Variants in KSR2 observed in about 807,000 individuals in gnomAD.
KSR2 encodes kinase suppressor of ras 2.
Under a neutral mutation model 107.8 loss-of-function variants are expected in KSR2, and 25 were observed. The ratio of observed to expected loss-of-function variants is 0.23; its 90% CI spans 0.17 to 0.32. The LOEUF (loss-of-function observed/expected upper bound fraction) is 0.32. KSR2 is among the 10% of genes least tolerant of loss of function. The pLI is 1.00. For missense variants in KSR2, 887 were observed against 1,268.9 expected (o/e 0.70, Z 4.57); for synonymous variants, 480 against 507.0 (o/e 0.95, Z 0.71).
chr12:117,785,093 G>A (rs1890016757), intron 3 of KSR2, among the ~76,000 whole-genome samples: 1 of 152,144 alleles, frequency 6.6e-6, no homozygotes, highest in African/African-American at 2.4e-5. Flanking sequence ...CAAAGACCAG[G>A]AAAATCCTGA....
At chr12:117,636,421 A>T (rs1468618778) in intron 5 of KSR2, among the ~76,000 whole-genome samples, 1 of 151,664 alleles carries the variant, frequency 6.6e-6, no homozygotes, top group African/African-American at 2.4e-5. Flanking sequence ...AAAACATTTA[A>T]GATCATCCAG....
intron 3 of KSR2, among the ~76,000 whole-genome samples, chr12:117,795,905 CTGG>C (rs1890608353): frequency 6.6e-6 from 1 of 152,166 alleles, no homozygotes; most frequent in African/African-American, 2.4e-5. Context: ...GCCGCCACAT[CTGG>C]CCAAAGCCTG....
rs185562461 is a variant in KSR2 at position 117,503,894 on chromosome 12, C to T, written c.2220-18203G>A. Among the ~76,000 whole-genome samples the T allele has an allele frequency of 1.8e-3, 279 of 152,290 alleles. 3 individuals are homozygous for T. The highest frequency in any genetic ancestry group is 6.4e-3 in the African/African-American group (267 of 41,564). On this transcript the variant is annotated intron_variant, in intron 14 of 19. Coordinates refer to ENST00000339824, the MANE Select transcript of KSR2 (RefSeq NM_173598.6). ...GATCAAACTTCCATAATAAACATCACTATTTTGGGAAAGCAAACTCTGGGA... is the reference window on the plus strand; with the variant it reads ...GATCAAACTTCCATAATAAACATCATTATTTTGGGAAAGCAAACTCTGGGA...
intron 3 of KSR2, among the ~76,000 whole-genome samples, chr12:117,817,022 A>T (rs1891395378): frequency 6.6e-6 from 1 of 152,106 alleles, no homozygotes; most frequent in Non-Finnish European, 1.5e-5. Context: ...CAAGGAAACC[A>T]ATGGAAAGAT....
intron 14 of KSR2, among the ~76,000 whole-genome samples, chr12:117,513,766 A>C (rs1478664888): frequency 6.6e-6 from 1 of 152,230 alleles, no homozygotes; most frequent in Non-Finnish European, 1.5e-5. Context: ...TACAAGCTTC[A>C]GTATGAATCA....
intron 5 of KSR2, among the ~76,000 whole-genome samples, chr12:117,637,283 C>G (rs1269811590): frequency 1.3e-5 from 2 of 152,184 alleles, no homozygotes; most frequent in Non-Finnish European, 2.9e-5. Flanking sequence ...CACTCATCCC[C>G]ACCTCGGGGC....
chr12:117,469,395 G>A (rs189536284), intron 19 of KSR2, among the ~76,000 whole-genome samples: 36 of 152,204 alleles, frequency 2.4e-4, no homozygotes, highest in Middle Eastern at 6.8e-3. Context: ...AGACTCATCG[G>A]GGCATCAATC....
At chr12:117,470,300 A>G (rs1871369283) in intron 18 of KSR2, among the ~76,000 whole-genome samples, 1 of 135,676 alleles carries the variant, frequency 7.4e-6, no homozygotes, top group African/African-American at 2.9e-5. Flanking sequence ...ATCCACCCAT[A>G]TATCATCCAC....
At chr12:117,558,076 G>T (rs538487804) in intron 8 of KSR2, among the ~76,000 whole-genome samples, 4 of 152,230 alleles carry the variant, frequency 2.6e-5, no homozygotes, top group Admixed American at 2.6e-4. Flanking sequence ...CAATCCAGCA[G>T]ACCCAAGACA....
At chr12:117,854,383 AG>A (rs1365669722) in intron 3 of KSR2, among the ~76,000 whole-genome samples, 2 of 152,196 alleles carry the variant, frequency 1.3e-5, no homozygotes, top group East Asian at 3.9e-4. Context: ...GCACGCATGG[AG>A]GACTGGGCCG....
At chr12:117,862,652 A>C (rs1893339776) in intron 1 of KSR2, among the ~76,000 whole-genome samples, 1 of 152,126 alleles carries the variant, frequency 6.6e-6, no homozygotes, top group Non-Finnish European at 1.5e-5. Context: ...CTCAAAACAA[A>C]ACAAAACAAA....
chr12:117,610,355 C>T (rs199646572), intron 5 of KSR2, among the ~76,000 whole-genome samples: 2 of 151,930 alleles, frequency 1.3e-5, no homozygotes, highest in East Asian at 3.8e-4. Flanking sequence ...AAAATGCCCC[C>T]AAATCAGAAA....
chr12:117,628,963 T>C (rs1344602899), intron 5 of KSR2, among the ~76,000 whole-genome samples: 1 of 152,234 alleles, frequency 6.6e-6, no homozygotes. Context: ...CTCGGACTGC[T>C]GCGCTAGCAG....
intron 2 of KSR2, among the ~76,000 whole-genome samples, chr12:117,858,586 G>A (rs1479757907): frequency 1.3e-5 from 2 of 152,218 alleles, no homozygotes; most frequent in African/African-American, 4.8e-5. Flanking sequence ...TCTTCAAGTA[G>A]GAAGCAGGGA....
chr12:117,770,794 T>C (rs1227888570), intron 3 of KSR2, among the ~76,000 whole-genome samples: 5 of 150,544 alleles, frequency 3.3e-5, no homozygotes, highest in Non-Finnish European at 3.0e-5. Flanking sequence ...GGTGAAACCC[T>C]GTCTCTACCA....
chr12:117,576,046 C>A (rs1050636254), intron 7 of KSR2, among the ~76,000 whole-genome samples: 1 of 152,142 alleles, frequency 6.6e-6, no homozygotes, highest in Non-Finnish European at 1.5e-5. Flanking sequence ...ATCCTTCCCA[C>A]AACCTCCTCT....
intron 7 of KSR2, among the ~76,000 whole-genome samples, chr12:117,567,146 A>G (rs1878550014): frequency 6.6e-6 from 1 of 152,364 alleles, no homozygotes; most frequent in South Asian, 2.1e-4. Flanking sequence ...CAAATAAAAC[A>G]TAGTAGTATG....
At chr12:117,683,926 AACACGT>A (rs1885467821) in intron 4 of KSR2, among the ~76,000 whole-genome samples, 1 of 152,238 alleles carries the variant, frequency 6.6e-6, no homozygotes, top group African/African-American at 2.4e-5. Flanking sequence ...TGTGTAAGTG[AACACGT>A]ATGACCATGT....
At chr12:117,805,969 A>G (rs1890993620) in intron 3 of KSR2, among the ~76,000 whole-genome samples, 1 of 152,148 alleles carries the variant, frequency 6.6e-6, no homozygotes, top group Non-Finnish European at 1.5e-5. Flanking sequence ...GTGACAGAGG[A>G]AGACTCTGCC....
Sources: allele counts gnomAD v4.1 joint callset (sites outside exome capture counted in the v4.1 genomes callset), GRCh38; gene constraint gnomAD v4.1.1; transcripts MANE v1.5; gene names NCBI Gene and HGNC (gene_info 2026-07-23, HGNC 2026-07-21).